PACS1: variants seen among roughly 807,000 people sequenced by gnomAD.
PACS1 encodes the protein PACS-1.
Under a neutral mutation model 115.0 loss-of-function variants are expected in PACS1, and 24 were observed. The observed-to-expected ratio is 0.21, with a 90% CI of 0.15 to 0.29. The LOEUF (loss-of-function observed/expected upper bound fraction) is 0.29. Among genes scored for constraint, PACS1 ranks in the 10% least tolerant of loss-of-function variants. PACS1 has a pLI of 1.00. For missense variants in PACS1, 838 were observed against 1,251.2 expected, an observed-to-expected ratio of 0.67 and a Z score of 4.98; for synonymous variants, 453 against 504.5, an observed-to-expected ratio of 0.90 and a Z score of 1.37.
At chr11:66,077,493 C>T (rs1590728176) in intron 1 of PACS1, among the ~76,000 whole-genome samples, 1 of 152,032 alleles carries the variant, frequency 6.6e-6, no homozygotes, top group South Asian at 2.1e-4. Context: ...CTCTGGAGGT[C>T]GAGGCTTCAG....
chr11:66,235,904 T>G lies in PACS1; in HGVS notation c.2214T>G (p.Asp738Glu). The change falls in exon 19 of 24, where the codon GAT becomes GAG. Residue 738 changes from aspartate (D) to glutamate (E), a missense_variant. By Grantham distance (45) the Asp-to-Glu change is conservative. Around this residue, in one of 6 missense-constraint regions of PACS1, gnomAD observed 383 missense variants for 537.0 expected, o/e 0.71. Transcript: ENST00000320580. This position sits in a 1 kb window ranked among gnomAD's most constrained non-coding sequence, Gnocchi z 5.6. ...CTCCTGTGTCTCCCAACAGCCCTGA[T>G]GAAGACTCCTATCAGAAGTTTATTC... Reference protein sequence around the residue: ...AMLTCRHKFPDEDSYQKFIPF... With the variant: ...AMLTCRHKFPEEDSYQKFIPF... The G allele has an allele frequency of 6.2e-7, 1 of 1,613,914 alleles. No individual in the cohort carries two copies. The highest frequency in any genetic ancestry group is 8.5e-7 in the Non-Finnish European group (1 of 1,179,758).
intron 1 of PACS1, among the ~76,000 whole-genome samples, chr11:66,182,045 C>T (rs1860024119): frequency 6.6e-6 from 1 of 152,214 alleles, no homozygotes; most frequent in Admixed American, 6.5e-5. Flanking sequence ...ATTTAAGTCT[C>T]TTCTGCAATA....
intron 1 of PACS1, among the ~76,000 whole-genome samples, chr11:66,088,902 G>C (rs1857614634): frequency 6.6e-6 from 1 of 151,802 alleles, no homozygotes; most frequent in Non-Finnish European, 1.5e-5. Flanking sequence ...TATTTATTTA[G>C]GTCATGGTTT....
chr11:66,136,371 C>G (rs1461528415), intron 1 of PACS1, among the ~76,000 whole-genome samples: 1 of 148,130 alleles, frequency 6.8e-6, no homozygotes, highest in Non-Finnish European at 1.5e-5. Context: ...CCAAAACAAA[C>G]CAAAATATTC....
chr11:66,189,712 T>C (rs1435993665), intron 1 of PACS1, among the ~76,000 whole-genome samples: 1 of 152,248 alleles, frequency 6.6e-6, no homozygotes, highest in East Asian at 1.9e-4. Context: ...ACGTTTATCT[T>C]GCAGTGAGTT....
intron 1 of PACS1, among the ~76,000 whole-genome samples, chr11:66,187,924 G>C (rs922894694): frequency 7.2e-5 from 11 of 152,132 alleles, no homozygotes; most frequent in African/African-American, 2.7e-4. Context: ...ACATTCACTA[G>C]TTACAACAGT....
At chr11:66,192,876 C>T (rs1018225346) in intron 1 of PACS1, among the ~76,000 whole-genome samples, 10 of 152,196 alleles carry the variant, frequency 6.6e-5, no homozygotes, top group African/African-American at 2.4e-4. Context: ...TGATTTGTGG[C>T]ACTGAAGATT....
intron 7 of PACS1, 90 bp downstream of exon 7, chr11:66,216,865 C>CTTTTTTTTTTTTTTTTTTTT (rs1565151136): frequency 1.2e-6 from 1 of 818,126 alleles, no homozygotes; most frequent in Non-Finnish European, 2.1e-6. Context: ...GTGGAGACTT[C>CTTTTTTTTTTTTTTTTTTTT]TTAAAATCAA....
chr11:66,139,883 A>T (rs997349992), intron 1 of PACS1, among the ~76,000 whole-genome samples: 1 of 152,088 alleles, frequency 6.6e-6, no homozygotes, highest in African/African-American at 2.4e-5. Context: ...GGATTGCTGG[A>T]TTGTAAGGTA....
At chr11:66,072,425 G>A (rs545516580) in intron 1 of PACS1, among the ~76,000 whole-genome samples, 2 of 152,266 alleles carry the variant, frequency 1.3e-5, no homozygotes, top group African/African-American at 2.4e-5. Context: ...ATTGCCGCTC[G>A]CAGGGTATAG....
Position 66,227,485 on chromosome 11 carries a change from ATTC to A in PACS1, c.1294-16_1294-14del. ...TAGTTATTTGGATCAGTGATAACTA[ATTC>A]TTATAATTTTTGCAGATGGAATTGG... On this transcript the variant is annotated splice_polypyrimidine_tract_variant and intron_variant, in intron 10 of 23. Coordinates refer to ENST00000320580, the MANE Select transcript of PACS1 (RefSeq NM_018026.4). The A allele has an allele frequency of 6.9e-7, 1 of 1,449,606 alleles. No homozygotes were observed. The highest frequency in any genetic ancestry group is 1.4e-5 in the African/African-American group (1 of 71,650). The allele number at this position is 1,449,606 out of a possible 1,614,324, so 89.8% of individuals were successfully genotyped here.
At chr11:66,136,322 G>GACACACACACACAC (rs1858844003) in intron 1 of PACS1, among the ~76,000 whole-genome samples, 2 of 60,312 alleles carry the variant, frequency 3.3e-5, no homozygotes, top group African/African-American at 1.4e-4. Flanking sequence ...CAATCCCACT[G>GACACACACACACAC]TCACACACAC....
rs1855639978 is a variant in PACS1, at chr11:66,233,397, ACATGCTGCTAGACACT to A, written c.1838+334_1838+349del. 6.6e-6 allele frequency among the ~76,000 whole-genome samples: 1 copy of A among 152,210 alleles called. No individual in the cohort carries two copies. The highest frequency in any genetic ancestry group is 1.5e-5 in the Non-Finnish European group (1 of 68,036). ...AGATCTTTTATTCCTTCCATCTGCA[ACATGCTGCTAGACACT>A]CAGGAGTCAGTGCTTCCCCTACCCT... On this transcript the variant is annotated intron_variant, in intron 15 of 23. Transcript: ENST00000320580. The surrounding 1 kb of genome is among the most constrained non-coding windows in gnomAD (Gnocchi z 4.5).
intron 2 of PACS1, among the ~76,000 whole-genome samples, chr11:66,197,023 G>C (rs1440475594): frequency 6.6e-6 from 1 of 152,100 alleles, no homozygotes; most frequent in Non-Finnish European, 1.5e-5. Flanking sequence ...AACATTTTTA[G>C]TTTTTTATAT....
intron 1 of PACS1, among the ~76,000 whole-genome samples, chr11:66,117,424 C>T (rs1201165710): frequency 7.0e-5 from 10 of 141,932 alleles, no homozygotes; most frequent in Non-Finnish European, 1.5e-4. Context: ...CGCACCACTG[C>T]ACTCTAGACT....
intron 1 of PACS1, among the ~76,000 whole-genome samples, chr11:66,093,916 G>A (rs1857720285): frequency 6.6e-6 from 1 of 152,068 alleles, no homozygotes; most frequent in Non-Finnish European, 1.5e-5. Flanking sequence ...TCAACTACAT[G>A]GAAACTGAAC....
At chr11:66,173,881 T>C (rs1859793512) in intron 1 of PACS1, among the ~76,000 whole-genome samples, 1 of 151,986 alleles carries the variant, frequency 6.6e-6, no homozygotes, top group Non-Finnish European at 1.5e-5. Context: ...GGCGAAACCC[T>C]GTCTCTACTA....
intron 1 of PACS1, among the ~76,000 whole-genome samples, chr11:66,100,001 C>T (rs1857876984): frequency 6.6e-6 from 1 of 152,150 alleles, no homozygotes; most frequent in Non-Finnish European, 1.5e-5. Context: ...CTCCCTCAGC[C>T]CCCTGAGTAG....
At chr11:66,119,535 A>G (rs182762196) in intron 1 of PACS1, among the ~76,000 whole-genome samples, 3 of 152,376 alleles carry the variant, frequency 2.0e-5, no homozygotes, top group Non-Finnish European at 2.9e-5. Flanking sequence ...AAAGGAATGC[A>G]TGAAATCCTG....
Sources: gnomAD v4.1 joint callset for allele counts (sites outside exome capture counted in the v4.1 genomes callset) on GRCh38, gnomAD v4.1.1 for gene constraint, gnomAD v4.1.1 regional missense constraint, Gnocchi (gnomAD v3.1) non-coding constraint, MANE v1.5 for transcripts, NCBI Gene and HGNC (gene_info 2026-07-23, HGNC 2026-07-21) for gene names.